Variants in LRMDA observed in about 807,000 individuals in gnomAD.
LRMDA encodes leucine rich melanocyte differentiation associated, also known as leucine-rich melanocyte differentiation-associated protein.
Under a neutral mutation model 29.8 loss-of-function variants are expected in LRMDA, and 18 were observed. That is an observed-to-expected ratio of 0.60 (90% CI 0.42 to 0.90). LRMDA has a LOEUF of 0.90. Among genes scored for constraint, LRMDA ranks in the 40% least tolerant of loss-of-function variants. LRMDA has a pLI of 0.00. For synonymous variants in LRMDA, 125 were observed against 109.4 expected (o/e 1.14, Z -0.89); for missense variants, 273 against 273.9 (o/e 1.00, Z 0.02).
intron 5 of LRMDA, among the ~76,000 whole-genome samples, chr10:76,253,613 G>A (rs889774167): frequency 6.6e-6 from 1 of 151,860 alleles, no homozygotes; most frequent in Admixed American, 6.6e-5. Flanking sequence ...TCTTTTCAAC[G>A]TGCTCATATA....
chr10:75,759,014 G>T (rs1300379310), intron 2 of LRMDA, among the ~76,000 whole-genome samples: 1 of 151,918 alleles, frequency 6.6e-6, no homozygotes, highest in Non-Finnish European at 1.5e-5. Flanking sequence ...ACACCTATGG[G>T]TTTAGAGTCC....
chr10:75,557,046 G>A (rs926761292), intron 2 of LRMDA, among the ~76,000 whole-genome samples: 1 of 152,074 alleles, frequency 6.6e-6, no homozygotes, highest in African/African-American at 2.4e-5. Flanking sequence ...AGGCATGGTG[G>A]CTCACACCTG....
intron 2 of LRMDA, among the ~76,000 whole-genome samples, chr10:75,752,036 T>A (rs1465858739): frequency 1.3e-5 from 2 of 149,362 alleles, no homozygotes; most frequent in East Asian, 1.9e-4. Context: ...AATAAATAAA[T>A]ATATATATAT....
At chr10:76,373,927 C>T (rs1214181333) in intron 6 of LRMDA, among the ~76,000 whole-genome samples, 1 of 152,130 alleles carries the variant, frequency 6.6e-6, no homozygotes, top group African/African-American at 2.4e-5. Flanking sequence ...CTCCAAAATG[C>T]AAAATGTCTT....
At chr10:76,501,966 G>A (rs906695405) in intron 6 of LRMDA, among the ~76,000 whole-genome samples, 1 of 151,652 alleles carries the variant, frequency 6.6e-6, no homozygotes, top group Non-Finnish European at 1.5e-5. Context: ...TTCCTATGTT[G>A]TCTTCCAGGA....
At chr10:76,117,042 C>A (rs1368408218) in intron 5 of LRMDA, among the ~76,000 whole-genome samples, 2 of 152,116 alleles carry the variant, frequency 1.3e-5, no homozygotes, top group East Asian at 3.9e-4. Context: ...GTGACCAGCC[C>A]CCTACATCTG....
At chr10:75,531,953 G>A (rs1001809324) in intron 2 of LRMDA, among the ~76,000 whole-genome samples, 1 of 151,498 alleles carries the variant, frequency 6.6e-6, no homozygotes, top group Non-Finnish European at 1.5e-5. Context: ...GGCAGAGGTG[G>A]GAGGATCACT....
intron 6 of LRMDA, among the ~76,000 whole-genome samples, chr10:76,402,783 G>A (rs1028967772): frequency 4.6e-5 from 7 of 152,134 alleles, no homozygotes; most frequent in African/African-American, 1.4e-4. Flanking sequence ...ACAGCAATGC[G>A]CTCCCTGCAT....
intron 2 of LRMDA, among the ~76,000 whole-genome samples, chr10:75,516,644 A>G (rs574860938): frequency 2.0e-4 from 31 of 152,082 alleles, no homozygotes; most frequent in Non-Finnish European, 3.5e-4. Flanking sequence ...CTCCCATTCT[A>G]TAGGTTGCCT....
At chr10:76,211,686 G>A (rs1851636820) in intron 5 of LRMDA, among the ~76,000 whole-genome samples, 1 of 152,222 alleles carries the variant, frequency 6.6e-6, no homozygotes, top group African/African-American at 2.4e-5. Flanking sequence ...TGTTGGGAGT[G>A]TCTTTTTAAT....
chr10:75,644,351 A>G (rs1287693949), intron 2 of LRMDA, among the ~76,000 whole-genome samples: 1 of 152,228 alleles, frequency 6.6e-6, no homozygotes, highest in Non-Finnish European at 1.5e-5. Context: ...GTTTTAGTTT[A>G]CAGGCACTGG....
intron 2 of LRMDA, among the ~76,000 whole-genome samples, chr10:75,522,324 A>G (rs1845371319): frequency 6.6e-6 from 1 of 152,190 alleles, no homozygotes; most frequent in African/African-American, 2.4e-5. Flanking sequence ...TTGGACTGGG[A>G]AGGACTTAGA....
chr10:76,416,896 C>T (rs1842020912), intron 6 of LRMDA, among the ~76,000 whole-genome samples: 1 of 152,152 alleles, frequency 6.6e-6, no homozygotes, highest in East Asian at 1.9e-4. Flanking sequence ...ACTGCCCATT[C>T]TTGCATTTCT....
chr10:75,682,862 G>GA (rs550129233), intron 2 of LRMDA, among the ~76,000 whole-genome samples: 2 of 152,208 alleles, frequency 1.3e-5, no homozygotes, highest in South Asian at 4.1e-4. Flanking sequence ...TGGAACTTAA[G>GA]AAAAAATGGA....
intron 2 of LRMDA, among the ~76,000 whole-genome samples, chr10:75,693,253 A>G (rs894972625): frequency 1.3e-5 from 2 of 152,214 alleles, no homozygotes; most frequent in Non-Finnish European, 2.9e-5. Context: ...AAAGTACCAC[A>G]AATAAATTAT....
At chr10:76,099,758 T>C (rs934214512) in intron 5 of LRMDA, among the ~76,000 whole-genome samples, 1 of 152,208 alleles carries the variant, frequency 6.6e-6, no homozygotes, top group Admixed American at 6.5e-5. Context: ...AAATAATAAA[T>C]AAACCAATAG....
chr10:75,563,176 G>C (rs1347436340), intron 2 of LRMDA, among the ~76,000 whole-genome samples: 1 of 152,026 alleles, frequency 6.6e-6, no homozygotes, highest in Non-Finnish European at 1.5e-5. Flanking sequence ...CCAATCAGAC[G>C]TAGATTTGGT....
chr10:75,535,534 A>G (rs762055930), intron 2 of LRMDA, among the ~76,000 whole-genome samples: 7 of 152,090 alleles, frequency 4.6e-5, no homozygotes, highest in Non-Finnish European at 8.8e-5. Flanking sequence ...TCCCATCTCA[A>G]TTTCTTTTCT....
At chr10:76,108,505 C>G (rs1194912713) in intron 5 of LRMDA, among the ~76,000 whole-genome samples, 1 of 152,026 alleles carries the variant, frequency 6.6e-6, no homozygotes, top group Non-Finnish European at 1.5e-5. Flanking sequence ...TATATACGTG[C>G]AAAGATAAAC....
Sources: allele counts gnomAD v4.1 joint callset (sites outside exome capture counted in the v4.1 genomes callset), GRCh38; gene constraint gnomAD v4.1.1; transcripts MANE v1.5; gene names NCBI Gene and HGNC (gene_info 2026-07-23, HGNC 2026-07-21).